The following ANKRD31 variants were observed in gnomAD, a reference collection of about 807,000 sequenced individuals.
ANKRD31 encodes the protein ankyrin repeat domain-containing protein 31.
In ANKRD31, 147 loss-of-function variants were observed where a neutral mutation model predicts 186.0. That is an observed-to-expected ratio of 0.79 (90% CI 0.69 to 0.91). ANKRD31 has a LOEUF of 0.91. Among genes scored for constraint, ANKRD31 ranks in the 40% least tolerant of loss-of-function variants. The pLI is 0.00. For missense variants in ANKRD31, 1,986 were observed against 2,148.8 expected, an observed-to-expected ratio of 0.92 and a Z score of 1.50; for synonymous variants, 673 against 736.4, an observed-to-expected ratio of 0.91 and a Z score of 1.39.
intron 24 of ANKRD31, among the ~76,000 whole-genome samples, chr5:75,082,516 C>T (rs1745162213): frequency 6.6e-6 from 1 of 152,144 alleles, no homozygotes; most frequent in Admixed American, 6.5e-5. Context: ...ATGTGTGCTG[C>T]CTTTTTCCAG....
chr5:75,154,900 C>T (rs1296790050), intron 11 of ANKRD31, among the ~76,000 whole-genome samples: 1 of 152,062 alleles, frequency 6.6e-6, no homozygotes, highest in Admixed American at 6.6e-5. Flanking sequence ...AAACAACCTC[C>T]TCTATACAGC....
At chr5:75,181,040 A>G (rs1256494930) in intron 10 of ANKRD31, among the ~76,000 whole-genome samples, 1 of 152,024 alleles carries the variant, frequency 6.6e-6, no homozygotes, top group Non-Finnish European at 1.5e-5. Flanking sequence ...TTACAAAAAA[A>G]AAAAACAAGC....
intron 22 of ANKRD31, among the ~76,000 whole-genome samples, chr5:75,096,909 C>T (rs1028136147): frequency 2.0e-5 from 3 of 149,924 alleles, no homozygotes; most frequent in Admixed American, 6.8e-5. Context: ...GAACATGCAG[C>T]GTTCGGTTTT....
chr5:75,206,555 A>C (rs1756261076), intron 4 of ANKRD31, 68 bp from the exon 5 acceptor site: 1 of 912,666 alleles, frequency 1.1e-6, no homozygotes, highest in Non-Finnish European at 1.5e-6. Flanking sequence ...ATTCAAATAC[A>C]ATTTAATTTT....
chr5:75,146,017 T>C lies in ANKRD31; in HGVS notation c.3394A>G (p.Arg1132Gly), dbSNP rs1751404492. Residue 1132 changes from arginine to glycine, a missense_variant, in exon 14 of 26, where the codon AGA (arginine) becomes GGA (glycine). Arg to Gly is a moderately radical substitution (Grantham distance 125). Coordinates refer to ENST00000506364, the MANE Select transcript of ANKRD31 (RefSeq NM_001372053.1). Reference sequence around the variant, plus strand: ...TTGTGAGAAATTTCCTTCTTTTCTCTTTGACTAAGTTTTGAGATGTTGGCC... The same window carrying C: ...TTGTGAGAAATTTCCTTCTTTTCTCCTTGACTAAGTTTTGAGATGTTGGCC... ...ELANISKLSQ[R>G]EKKEISHKPD... 6.7e-7 allele frequency: 1 copy of C among 1,495,612 alleles called. No individual in the cohort carries two copies. 92.6% of individuals were successfully genotyped at this position (1,495,612 alleles called of 1,614,324 possible).
intron 2 of ANKRD31, among the ~76,000 whole-genome samples, chr5:75,227,288 C>T (rs892796786): frequency 4.0e-5 from 6 of 151,818 alleles, no homozygotes; most frequent in East Asian, 3.9e-4. Context: ...AAAAATATTG[C>T]GGGCTGAGAA....
chr5:75,069,704 C>G (rs1744064261), intron 25 of ANKRD31, among the ~76,000 whole-genome samples: 1 of 152,026 alleles, frequency 6.6e-6, no homozygotes, highest in Non-Finnish European at 1.5e-5. Flanking sequence ...TACCACCACA[C>G]CCAGCTAATT....
At chr5:75,076,293 A>G (rs1479776842) in intron 25 of ANKRD31, among the ~76,000 whole-genome samples, 2 of 152,164 alleles carry the variant, frequency 1.3e-5, no homozygotes, top group African/African-American at 4.8e-5. Context: ...GTTGCCCACA[A>G]TTCTATCTAA....
intron 3 of ANKRD31, among the ~76,000 whole-genome samples, chr5:75,213,189 C>T (rs1561541809): frequency 6.6e-6 from 1 of 152,090 alleles, no homozygotes. Flanking sequence ...CCCAGAAACT[C>T]CCAAGAATTA....
intron 25 of ANKRD31, among the ~76,000 whole-genome samples, chr5:75,072,127 T>C (rs1253668489): frequency 6.6e-6 from 1 of 152,226 alleles, no homozygotes; most frequent in Admixed American, 6.5e-5. Flanking sequence ...TATAGCTTCC[T>C]AAAAAGGACT....
In ANKRD31 at chr5:75,104,786, G is replaced by A; in HGVS notation, c.4773C>T (p.Ser1591=). 1 of 1,537,140 alleles carries A rather than the reference G, an allele frequency of 6.5e-7. No individual in the cohort carries two copies. Among genetic ancestry groups the A allele is most frequent in the Non-Finnish European group, 8.7e-7 (1 of 1,146,876 alleles). The part of the protein sequence containing the change: ...SDCTLDGFPK[S]RHSDGTEKNK... The stretch of plus-strand genomic sequence containing the variant: ...TCTTCTCTGTGCCATCTGAATGTCT[G>A]GATTTTGGAAAACCATCCAAGGTAC... The change falls in exon 22 of 26, where the codon TCC becomes TCT. Residue 1591 remains serine, a synonymous_variant. Coordinates refer to ENST00000506364, the MANE Select transcript of ANKRD31 (RefSeq NM_001372053.1).
chr5:75,193,038 ATTC>A (rs1165722294), intron 8 of ANKRD31, among the ~76,000 whole-genome samples: 1 of 152,082 alleles, frequency 6.6e-6, no homozygotes. Flanking sequence ...AAGTGTGAGT[ATTC>A]TTAATCTCCT....
In ANKRD31 at chr5:75,200,192, C is replaced by T. The variant is rs547563682; in HGVS notation, c.404-518G>A. On this transcript the variant is annotated intron_variant, in intron 5 of 25. Transcript: ENST00000506364. The stretch of plus-strand genomic sequence containing the variant: ...TTCACTATCTACTCTCACCCTGCCC[C>T]CTCTGAGCCAAGCTGGCAAACAGCA... Among the ~76,000 whole-genome samples the T allele has an allele frequency of 7.2e-5, 11 of 152,302 alleles. No individual in the cohort carries two copies. The East Asian group carries it at 2.1e-3, about 29-fold the overall frequency.
At chr5:75,124,270 G>C (rs2150095320) in intron 17 of ANKRD31, among the ~76,000 whole-genome samples, 1 of 152,094 alleles carries the variant, frequency 6.6e-6, no homozygotes, top group South Asian at 2.1e-4. Context: ...TTATTAAAAA[G>C]ACAAAAAACA....
intron 3 of ANKRD31, 49 bp from the exon 4 acceptor site, chr5:75,210,914 T>C (rs1312641402): frequency 8.1e-7 from 1 of 1,233,206 alleles, no homozygotes; most frequent in East Asian, 2.6e-5. Context: ...GTTAATTCAA[T>C]GCAACAAGCT....
At chr5:75,142,596 C>G (rs1290418630) in intron 15 of ANKRD31, among the ~76,000 whole-genome samples, 1 of 151,970 alleles carries the variant, frequency 6.6e-6, no homozygotes, top group Non-Finnish European at 1.5e-5. Context: ...ACTTTGATAT[C>G]TTTCATATTG....
chr5:75,086,038 C>T (rs1745457375), intron 23 of ANKRD31, among the ~76,000 whole-genome samples: 1 of 152,134 alleles, frequency 6.6e-6, no homozygotes. Flanking sequence ...CCCCTGAATG[C>T]CATTTGTCAG....
At chr5:75,193,941 T>C (rs1755289212) in intron 7 of ANKRD31, among the ~76,000 whole-genome samples, 3 of 152,152 alleles carry the variant, frequency 2.0e-5, no homozygotes, top group Non-Finnish European at 4.4e-5. Context: ...AATGTCACAC[T>C]AGGCTAGATC....
chr5:75,072,894 C>T (rs1385898779), intron 25 of ANKRD31, among the ~76,000 whole-genome samples: 3 of 152,038 alleles, frequency 2.0e-5, no homozygotes, highest in South Asian at 2.1e-4. Flanking sequence ...AATATCCATA[C>T]GTTAAGGTAT....
Sources: gnomAD v4.1 joint callset for allele counts (sites outside exome capture counted in the v4.1 genomes callset) on GRCh38, gnomAD v4.1.1 for gene constraint, MANE v1.5 for transcripts, NCBI Gene and HGNC (gene_info 2026-07-23, HGNC 2026-07-21) for gene names.